TRAF2: variants seen among roughly 807,000 people sequenced by gnomAD.
The protein encoded by TRAF2 is TNF receptor-associated factor 2.
Under a neutral mutation model 55.6 loss-of-function variants are expected in TRAF2, and 6 were observed. The ratio of observed to expected loss-of-function variants is 0.11; its 90% CI spans 0.06 to 0.21. The LOEUF (loss-of-function observed/expected upper bound fraction) is 0.21, where lower values mean the gene tolerates loss of function less well. Ranked by LOEUF, TRAF2 falls within the 10% of genes least tolerant of loss-of-function variation. TRAF2 has a pLI of 1.00. For missense variants in TRAF2, 561 were observed against 684.5 expected, an observed-to-expected ratio of 0.82 and a Z score of 2.01; for synonymous variants, 329 against 276.3, an observed-to-expected ratio of 1.19 and a Z score of -1.89.
chr9:136,904,659 G>A (rs1469054246), intron 4 of TRAF2, among the ~76,000 whole-genome samples: 1 of 152,084 alleles, frequency 6.6e-6, no homozygotes, highest in Non-Finnish European at 1.5e-5. Context: ...CACCCGCCTC[G>A]GCCTCCCAAA....
intron 1 of TRAF2, among the ~76,000 whole-genome samples, chr9:136,888,330 C>T (rs963238635): frequency 4.6e-5 from 7 of 152,096 alleles, no homozygotes; most frequent in African/African-American, 1.4e-4. Flanking sequence ...ACTCCGGAGG[C>T]TGAGGCAGGA....
At chr9:136,895,972 G>A (rs961370822) in intron 1 of TRAF2, among the ~76,000 whole-genome samples, 1 of 152,100 alleles carries the variant, frequency 6.6e-6, no homozygotes, top group African/African-American at 2.4e-5. Context: ...TTAGGCCAGG[G>A]CCTGTCAGTC....
At chr9:136,915,762 A>T (rs1850226329) in intron 6 of TRAF2, among the ~76,000 whole-genome samples, 1 of 152,100 alleles carries the variant, frequency 6.6e-6, no homozygotes, top group Non-Finnish European at 1.5e-5. Context: ...CTTGCTGTTC[A>T]TGACTCCTGC....
chr9:136,922,786 G>T (rs1850423153), intron 9 of TRAF2, among the ~76,000 whole-genome samples: 1 of 140,202 alleles, frequency 7.1e-6, no homozygotes, highest in Non-Finnish European at 1.6e-5. Flanking sequence ...GGGGAGGATG[G>T]GCCTGGGGGC....
rs891707970 is a variant in TRAF2, at chr9:136,925,589, T to G, written c.1288-94T>G. 57 of 1,305,654 alleles carry G rather than the reference T, an allele frequency of 4.4e-5. No individual in the cohort carries two copies. In the African/African-American group the frequency reaches 7.1e-4, roughly 16 times the overall value. The allele number at this position is 1,305,654 out of a possible 1,614,324, so 80.9% of individuals were successfully genotyped here. A position where few individuals can be genotyped will look rare whatever the true frequency, so the allele number is the denominator to read the frequency against. ...CTCTGGCCTGGGTCCTGGGATGGCC[T>G]CCTGCTGGTGGCCCTGCCAGTGTCC... On this transcript the variant is annotated intron_variant, in intron 10 of 10. Coordinates refer to ENST00000247668, the MANE Select transcript of TRAF2 (RefSeq NM_021138.4).
chr9:136,924,897 C>T (rs982585673), intron 10 of TRAF2, among the ~76,000 whole-genome samples: 2 of 152,164 alleles, frequency 1.3e-5, no homozygotes, highest in African/African-American at 2.4e-5. Context: ...CACCACCACG[C>T]CCAGCTAATT....
At position 136,921,196 on chromosome 9, in the gene TRAF2, A is replaced by G. The variant is rs773938386; in HGVS notation, c.1119A>G (p.Ile373Met). The change falls in exon 9 of 11, where the codon ATA becomes ATG. Residue 373 changes from isoleucine (I) to methionine (M), a missense_variant. Physicochemically the swap from Ile to Met is conservative, Grantham distance 10. Transcript: ENST00000247668. ...GCCAGGAAGCTGTGGCTGGCCGCATACCCGCCATCTTCTCCCCAGGTGTGG... is the reference window on the plus strand; with the variant it reads ...GCCAGGAAGCTGTGGCTGGCCGCATGCCCGCCATCTTCTCCCCAGGTGTGG... The part of the protein sequence containing the change: ...RKRQEAVAGR[I>M]PAIFSPAFYT... 6.8e-6 allele frequency: 11 copies of G among 1,613,534 alleles called. No individual in the cohort carries two copies. The highest frequency in any genetic ancestry group is 9.3e-6 in the Non-Finnish European group (11 of 1,180,006).
chr9:136,887,383 G>C (rs1006206903), intron 1 of TRAF2, among the ~76,000 whole-genome samples: 2 of 152,240 alleles, frequency 1.3e-5, no homozygotes, highest in African/African-American at 4.8e-5. Flanking sequence ...GCGGCCAGAT[G>C]GGCAGCCTGG....
At chr9:136,900,647 G>A (rs1376980964) in intron 4 of TRAF2, 127 bp downstream of exon 4, 1 of 790,294 alleles carries the variant, frequency 1.3e-6, no homozygotes, top group African/African-American at 1.7e-5. Context: ...TCTGATGTCT[G>A]TGGAGGAAGA....
chr9:136,898,516 A>G, intron 1 of TRAF2, 197 bp from the exon 2 acceptor site: 1 of 930,648 alleles, frequency 1.1e-6, no homozygotes, highest in Non-Finnish European at 1.3e-6. Context: ...CTGAGTTTCC[A>G]TACTAGCGGC....
intron 4 of TRAF2, among the ~76,000 whole-genome samples, chr9:136,905,985 G>A (rs1397512684): frequency 6.6e-6 from 1 of 152,116 alleles, no homozygotes; most frequent in Non-Finnish European, 1.5e-5. Context: ...GGCGCCCGTA[G>A]TCCCAGCTAC....
At chr9:136,900,371 C>G (rs1031849817) in intron 3 of TRAF2, 51 bp from the exon 4 acceptor site, 10 of 1,373,246 alleles carry the variant, frequency 7.3e-6, no homozygotes, top group Non-Finnish European at 1.0e-5. Context: ...TCCTTGGTTG[C>G]TGCAGGGAGT....
chr9:136,920,198 G>T, intron 7 of TRAF2, 36 bp from the exon 8 acceptor site: 1 of 1,570,686 alleles, frequency 6.4e-7, no homozygotes. Context: ...CCGAATGGTG[G>T]ATGGAGCCAG....
At chr9:136,923,539 A>AG (rs1225398905) in intron 9 of TRAF2, among the ~76,000 whole-genome samples, 1 of 125,740 alleles carries the variant, frequency 8.0e-6, no homozygotes, top group Non-Finnish European at 1.6e-5. Flanking sequence ...TGATCCCAGG[A>AG]GGTGGAGGTT....
At chr9:136,913,590 C>T (rs754324305) in intron 6 of TRAF2, among the ~76,000 whole-genome samples, 4 of 152,210 alleles carry the variant, frequency 2.6e-5, no homozygotes, top group African/African-American at 4.8e-5. Flanking sequence ...AGCCACCGTG[C>T]CCGGCTACAT....
At chr9:136,913,423 T>C (rs1850168718) in intron 6 of TRAF2, among the ~76,000 whole-genome samples, 1 of 148,824 alleles carries the variant, frequency 6.7e-6, no homozygotes, top group Non-Finnish European at 1.5e-5. Flanking sequence ...TCAGCGTCCC[T>C]AGTAGCTGGG....
At chr9:136,897,405 C>G (rs952087194) in intron 1 of TRAF2, among the ~76,000 whole-genome samples, 8 of 152,194 alleles carry the variant, frequency 5.3e-5, no homozygotes, top group Non-Finnish European at 7.4e-5. Flanking sequence ...CAGGGCAGGG[C>G]TGGCACATGG....
At chr9:136,899,952 G>A (rs975550571) in intron 3 of TRAF2, among the ~76,000 whole-genome samples, 2 of 152,172 alleles carry the variant, frequency 1.3e-5, no homozygotes, top group South Asian at 4.1e-4. Context: ...GATCACCTGA[G>A]GTAAGGAGTT....
intron 6 of TRAF2, 162 bp downstream of exon 6, chr9:136,910,156 G>A: frequency 1.3e-6 from 1 of 758,886 alleles, no homozygotes; most frequent in Non-Finnish European, 2.2e-6. Flanking sequence ...CAGGGTGGCG[G>A]CCGCTCTCCT....
Sources: allele counts gnomAD v4.1 joint callset (sites outside exome capture counted in the v4.1 genomes callset), GRCh38; gene constraint gnomAD v4.1.1; transcripts MANE v1.5; gene names NCBI Gene and HGNC (gene_info 2026-07-23, HGNC 2026-07-21).